TNIK: variants seen among roughly 807,000 people sequenced by gnomAD.
TNIK encodes TRAF2 and NCK interacting kinase.
Under a neutral mutation model 191.3 loss-of-function variants are expected in TNIK, and 49 were observed. That is an observed-to-expected ratio of 0.26 (90% CI 0.20 to 0.32). The LOEUF is 0.32. Among genes scored for constraint, TNIK ranks in the 10% least tolerant of loss-of-function variants. TNIK has a pLI of 1.00. For synonymous variants in TNIK, 594 were observed against 600.9 expected, an observed-to-expected ratio of 0.99 and a Z score of 0.17; for missense variants, 1,155 against 1,702.3, an observed-to-expected ratio of 0.68 and a Z score of 5.66.
intron 7 of TNIK, among the ~76,000 whole-genome samples, chr3:171,179,830 G>A (rs990715010): frequency 6.6e-6 from 1 of 152,176 alleles, no homozygotes; most frequent in African/African-American, 2.4e-5. Flanking sequence ...TGCTGTTCAG[G>A]AGGCTTTAAA....
intron 9 of TNIK, 22 bp from the exon 10 acceptor site, chr3:171,167,292 T>G: frequency 6.2e-7 from 1 of 1,607,356 alleles, no homozygotes; most frequent in Non-Finnish European, 8.5e-7. Context: ...AAGAAATGAA[T>G]CCACAGATAA....
At chr3:171,411,504 AAG>A in intron 1 of TNIK, among the ~76,000 whole-genome samples, 1 of 152,128 alleles carries the variant, frequency 6.6e-6, no homozygotes, top group East Asian at 1.9e-4. Context: ...GTAAAAAAAA[AAG>A]CTATTAATAT....
At chr3:171,326,202 A>G (rs561370604) in intron 2 of TNIK, among the ~76,000 whole-genome samples, 2 of 152,348 alleles carry the variant, frequency 1.3e-5, no homozygotes, top group East Asian at 3.9e-4. Context: ...GAGGAAAACT[A>G]CAAAGGCATT....
At chr3:171,105,863 C>T (rs992425905) in intron 21 of TNIK, among the ~76,000 whole-genome samples, 2 of 152,144 alleles carry the variant, frequency 1.3e-5, no homozygotes, top group African/African-American at 2.4e-5. Context: ...CTTTCTTTAC[C>T]TGTTCTGGGA....
At chr3:171,117,054 A>T (rs938241502) in intron 18 of TNIK, among the ~76,000 whole-genome samples, 26 of 152,374 alleles carry the variant, frequency 1.7e-4, no homozygotes, top group East Asian at 1.9e-4. Context: ...AAAGCATGTG[A>T]TGACACTAGT....
chr3:171,301,547 T>C (rs1752881470), intron 2 of TNIK, among the ~76,000 whole-genome samples: 1 of 152,198 alleles, frequency 6.6e-6, no homozygotes, highest in African/African-American at 2.4e-5. Context: ...ACTCCTGACT[T>C]CAAGTGATCC....
chr3:171,431,101 A>C (rs1725326027), intron 1 of TNIK, among the ~76,000 whole-genome samples: 1 of 152,098 alleles, frequency 6.6e-6, no homozygotes, highest in Non-Finnish European at 1.5e-5. Context: ...AGAAAGGTTA[A>C]ATTAATTAAG....
At chr3:171,130,445 C>T (rs1291516019) in intron 15 of TNIK, among the ~76,000 whole-genome samples, 2 of 152,112 alleles carry the variant, frequency 1.3e-5, no homozygotes, top group Non-Finnish European at 2.9e-5. Flanking sequence ...AGATTTGCTG[C>T]AAAAAGCCAG....
chr3:171,119,918 G>C (rs1268039027), intron 18 of TNIK, among the ~76,000 whole-genome samples: 3 of 152,156 alleles, frequency 2.0e-5, no homozygotes, highest in African/African-American at 7.2e-5. Context: ...TGCACGTTGT[G>C]CACATGTACC....
intron 12 of TNIK, among the ~76,000 whole-genome samples, chr3:171,157,039 G>T (rs1201013069): frequency 6.6e-6 from 1 of 152,178 alleles, no homozygotes; most frequent in Non-Finnish European, 1.5e-5. Context: ...AAATCTCCTT[G>T]TCCTGATGGA....
At chr3:171,219,264 TTATAA>T (rs1023307323) in intron 3 of TNIK, among the ~76,000 whole-genome samples, 21 of 143,672 alleles carry the variant, frequency 1.5e-4, no homozygotes, top group Middle Eastern at 7.4e-3. Flanking sequence ...TTAGTAATAA[TTATAA>T]TATATATTAT....
chr3:171,334,234 A>G (rs538170094), intron 2 of TNIK, among the ~76,000 whole-genome samples: 5 of 152,320 alleles, frequency 3.3e-5, no homozygotes, highest in African/African-American at 1.2e-4. Flanking sequence ...AAAATCACCC[A>G]AGTAGCCTGC....
At position 171,271,763 on chromosome 3, in the gene TNIK, T is replaced by G. The variant is rs190186055; in HGVS notation, c.124-43542A>C. ...TAGAACAGTGTGCTACAACCTATTATATATAACTTTCAAACCCGAATTTAA... is the reference window on the plus strand; with the variant it reads ...TAGAACAGTGTGCTACAACCTATTAGATATAACTTTCAAACCCGAATTTAA... On this transcript the variant is annotated intron_variant, in intron 2 of 32. Transcript: ENST00000436636. Among the ~76,000 whole-genome samples, 73 of 152,306 alleles carry G rather than the reference T, an allele frequency of 4.8e-4. No individual in the cohort carries two copies. In the South Asian group the frequency reaches 0.011, roughly 23 times the overall value.
chr3:171,103,712 A>AATATGGTTTAAAAGAGTTT (rs1723999375), intron 21 of TNIK, among the ~76,000 whole-genome samples: 1 of 152,096 alleles, frequency 6.6e-6, no homozygotes, highest in Non-Finnish European at 1.5e-5. Flanking sequence ...TTAAAGAGAG[A>AATATGGTTTAAAAGAGTTT]ATATGGTTTA....
At chr3:171,350,595 T>TAAAAAAAAA (rs71178208) in intron 2 of TNIK, among the ~76,000 whole-genome samples, 5 of 98,000 alleles carry the variant, frequency 5.1e-5, no homozygotes, top group Admixed American at 1.1e-4. Context: ...GCTCTGTTGC[T>TAAAAAAAAA]AAAAAAAAAA....
At chr3:171,080,439 A>AT (rs1243166627) in intron 27 of TNIK, among the ~76,000 whole-genome samples, 11 of 147,616 alleles carry the variant, frequency 7.5e-5, no homozygotes, top group East Asian at 1.9e-4. Context: ...TTATTTATTT[A>AT]TTTATTTTTT....
intron 2 of TNIK, among the ~76,000 whole-genome samples, chr3:171,238,692 C>T (rs982771152): frequency 6.6e-5 from 10 of 152,180 alleles, no homozygotes; most frequent in South Asian, 2.1e-4. Flanking sequence ...TTTGACATTT[C>T]ATAGGTGCTC....
Position 171,429,196 on chromosome 3 carries a change from G to A in TNIK, c.57+30811C>T, listed in dbSNP as rs539039421. 6.5e-4 allele frequency among the ~76,000 whole-genome samples: 99 copies of A among 152,098 alleles called. 3 individuals are homozygous for A. The highest frequency in any genetic ancestry group is 1.3e-4 in the Non-Finnish European group (9 of 68,014). On this transcript the variant is annotated intron_variant, in intron 1 of 32. Coordinates refer to ENST00000436636, the MANE Select transcript of TNIK (RefSeq NM_015028.4). ...ACCATCCCTCCACAAAGCAAGCTGC[G>A]TTATTTTAACTGCCCTACTTATTTT... is the stretch of plus-strand genomic sequence containing the variant.
At chr3:171,227,000 A>C (rs1454071855) in intron 3 of TNIK, among the ~76,000 whole-genome samples, 1 of 151,392 alleles carries the variant, frequency 6.6e-6, no homozygotes, top group East Asian at 1.9e-4. Context: ...CATTCATTCT[A>C]TGTCTATTTA....
Sources: gnomAD v4.1 joint callset for allele counts (sites outside exome capture counted in the v4.1 genomes callset) on GRCh38, gnomAD v4.1.1 for gene constraint, MANE v1.5 for transcripts, NCBI Gene and HGNC (gene_info 2026-07-23, HGNC 2026-07-21) for gene names.